Variants in LOXL1 observed in about 807,000 individuals in gnomAD.
LOXL1 encodes lysyl oxidase homolog 1.
LOXL1 carries 31 observed loss-of-function variants against 62.2 expected under a neutral mutation model. The observed-to-expected ratio is 0.50, with a 90% confidence interval of 0.37 to 0.67. The LOEUF (loss-of-function observed/expected upper bound fraction) is 0.67, where lower values mean the gene tolerates loss of function less well. Ranked by LOEUF, LOXL1 falls within the 30% of genes least tolerant of loss-of-function variation. LOXL1 has a pLI of 0.00. For synonymous variants in LOXL1, 403 were observed against 384.4 expected, an observed-to-expected ratio of 1.05 and a Z score of -0.56; for missense variants, 775 against 843.4, an observed-to-expected ratio of 0.92 and a Z score of 1.00.
intron 1 of LOXL1, among the ~76,000 whole-genome samples, chr15:73,939,334 G>T (rs1324226813): frequency 6.6e-6 from 1 of 152,168 alleles, no homozygotes; most frequent in African/African-American, 2.4e-5. Flanking sequence ...GATCCTGAGG[G>T]TGAGGCGGGG....
chr15:73,946,507 C>T lies in LOXL1; in HGVS notation c.1302C>T (p.Phe434=). ...TGAAGAACCAGGGCACAGCAGACTT[C>T]CTCCCCAACCGGCCACGGCACACCT... ...QRVKNQGTAD[F]LPNRPRHTWE... Residue 434 remains phenylalanine (F), a synonymous_variant, in exon 3 of 7, where the codon TTC becomes TTT. Coordinates refer to ENST00000261921, the MANE Select transcript of LOXL1 (RefSeq NM_005576.4). The T allele has an allele frequency of 6.2e-7, 1 of 1,611,132 alleles. No homozygotes were observed. Among genetic ancestry groups the T allele is most frequent in the South Asian group, 1.1e-5 (1 of 90,418 alleles).
Position 73,927,179 on chromosome 15 carries a change from C to G in LOXL1, c.396C>G (p.Ala132=). The G allele has an allele frequency of 1.3e-6, 2 of 1,546,802 alleles. No homozygotes were observed. The highest frequency in any genetic ancestry group is 1.4e-5 in the African/African-American group (1 of 70,680). ...GQVPDNWREV[A]VGDSTGMARA... ...TGCCCGACAACTGGCGCGAGGTGGC[C>G]GTCGGGGACAGCACGGGCATGGCCC... Residue 132 remains alanine (A), a synonymous_variant, in exon 1 of 7, where the codon GCC becomes GCG. Coordinates refer to ENST00000261921, the MANE Select transcript of LOXL1 (RefSeq NM_005576.4).
At chr15:73,937,501 C>A (rs538843076) in intron 1 of LOXL1, among the ~76,000 whole-genome samples, 3 of 152,346 alleles carry the variant, frequency 2.0e-5, no homozygotes, top group African/African-American at 7.2e-5. Flanking sequence ...TCTCAAGGGT[C>A]TTCGCTGCCC....
chr15:73,927,443 C>T lies in LOXL1; in HGVS notation c.660C>T (p.Ala220=). 2.1e-6 allele frequency: 3 copies of T among 1,454,996 alleles called. No homozygotes were observed. Among genetic ancestry groups the T allele is most frequent in the Non-Finnish European group, 2.7e-6 (3 of 1,105,340 alleles). The allele number at this position is 1,454,996 out of a possible 1,614,324, so 90.1% of individuals were successfully genotyped here. The part of the protein sequence containing the change: ...GGVGAGAAAV[A]SAGVIYPYQP... ...TGGGCGCGGGGGCGGCGGCCGTGGC[C>T]TCGGCGGGGGTCATCTACCCCTACC... is the stretch of plus-strand genomic sequence containing the variant. The change falls in exon 1 of 7, where the codon GCC becomes GCT. Residue 220 remains alanine, a synonymous_variant. Transcript: ENST00000261921.
rs765791588 is a variant in LOXL1 at position 73,927,279 on chromosome 15, A to C, written c.496A>C (p.Thr166Pro). ...GGTCTCGGCTTCGGCCTTCGCCAGCACCTACCGCCAGCAGCCCTCCTACCC... is the reference window on the plus strand; with the variant it reads ...GGTCTCGGCTTCGGCCTTCGCCAGCCCCTACCGCCAGCAGCCCTCCTACCC... ...SSVSASAFAS[T>P]YRQQPSYPQQ... is the part of the protein sequence containing the mutation. Residue 166 changes from threonine to proline, a missense_variant, in exon 1 of 7, where the codon ACC becomes CCC. Thr to Pro is a conservative substitution (Grantham distance 38). Transcript: ENST00000261921. 1.9e-6 allele frequency: 3 copies of C among 1,602,734 alleles called. No homozygotes were observed. Among genetic ancestry groups the C allele is most frequent in the East Asian group, 2.3e-5 (1 of 44,350 alleles).
Position 73,926,669 on chromosome 15 carries a change from A to C in LOXL1, c.-115A>C. ...GGACAAGGCCAGCATGGACAAAGCT[A>C]GAGCTGGGGCAAGCAAGGAGCCTTC... On this transcript the variant is annotated 5_prime_UTR_variant, in exon 1 of 7. It removes the in-frame stop codon of an upstream open reading frame in the 5' UTR. Transcript: ENST00000261921. The C allele has an allele frequency of 1.4e-5, 17 of 1,202,390 alleles. No homozygotes were observed. Among genetic ancestry groups the C allele is most frequent in the South Asian group, 2.0e-5 (1 of 50,260 alleles). 74.5% of individuals were successfully genotyped at this position (1,202,390 alleles called of 1,614,324 possible).
At position 73,927,663 on chromosome 15, in the gene LOXL1, G is replaced by C. The variant is rs932328615; in HGVS notation, c.880G>C (p.Gly294Arg). The change falls in exon 1 of 7, where the codon GGT (glycine) becomes CGT (arginine). Residue 294 changes from glycine (G) to arginine (R), a missense_variant. Transcript: ENST00000261921. ...PGFEQAYPDPGPEAAQAHGGD... is the reference protein window; with the variant it reads ...PGFEQAYPDPRPEAAQAHGGD... Reference sequence around the variant, plus strand: ...CTTCGAGCAGGCCTACCCTGACCCCGGTCCCGAGGCGGCGCAGGCCCATGG... The same window carrying C: ...CTTCGAGCAGGCCTACCCTGACCCCCGTCCCGAGGCGGCGCAGGCCCATGG... 4.7e-6 allele frequency: 7 copies of C among 1,487,112 alleles called. No individual in the cohort carries two copies. The highest frequency in any genetic ancestry group is 6.2e-6 in the Non-Finnish European group (7 of 1,125,734). 92.1% of individuals were successfully genotyped at this position (1,487,112 alleles called of 1,614,324 possible).
At position 73,927,714 on chromosome 15, in the gene LOXL1, C is replaced by G; in HGVS notation, c.931C>G (p.Pro311Ala). Residue 311 changes from proline (P) to alanine (A), a missense_variant, in exon 1 of 7, where the codon CCG becomes GCG. Pro to Ala is a conservative substitution (Grantham distance 27). Transcript: ENST00000261921. ...HGGDPRLGWYPPYANPPPEAY... is the reference protein window; with the variant it reads ...HGGDPRLGWYAPYANPPPEAY... ...CGGAGACCCACGCCTGGGCTGGTAC[C>G]CGCCCTACGCCAACCCGCCGCCCGA... The G allele has an allele frequency of 6.8e-7, 1 of 1,468,474 alleles. No homozygotes were observed. The highest frequency in any genetic ancestry group is 9.0e-7 in the Non-Finnish European group (1 of 1,116,874). 91.0% of individuals were successfully genotyped at this position (1,468,474 alleles called of 1,614,324 possible). A position where few individuals can be genotyped will look rare whatever the true frequency, so the allele number is the denominator to read the frequency against.
intron 5 of LOXL1, among the ~76,000 whole-genome samples, 183 bp from the exon 6 acceptor site, chr15:73,949,276 T>C (rs2068767962): frequency 6.6e-6 from 1 of 152,192 alleles, no homozygotes; most frequent in African/African-American, 2.4e-5. Flanking sequence ...AGATGATGTT[T>C]TCTTGGATTA....
At chr15:73,933,176 A>G (rs2068646989) in intron 1 of LOXL1, among the ~76,000 whole-genome samples, 2 of 152,210 alleles carry the variant, frequency 1.3e-5, no homozygotes, top group South Asian at 4.1e-4. Flanking sequence ...TTTAATTCCC[A>G]CAACAGCCTT....
In LOXL1 at chr15:73,947,106, A is replaced by G. The variant is rs777574809; in HGVS notation, c.1389A>G (p.Leu463=). 1 of 1,613,270 alleles carries G rather than the reference A, an allele frequency of 6.2e-7. No homozygotes were observed. The highest frequency in any genetic ancestry group is 1.3e-5 in the African/African-American group (1 of 75,060). ...HSMDEFSHYD[L]LDAATGKKVA... is the part of the protein sequence containing the mutation. The stretch of plus-strand genomic sequence containing the variant: ...TGGACGAGTTCAGCCACTACGACCT[A>G]CTGGATGCAGCCACAGGCAAGAAGG... The change falls in exon 4 of 7, where the codon CTA becomes CTG. Residue 463 remains leucine, a synonymous_variant. Transcript: ENST00000261921.
intron 1 of LOXL1, among the ~76,000 whole-genome samples, chr15:73,939,838 C>A (rs2068701493): frequency 1.3e-5 from 2 of 152,136 alleles, no homozygotes; most frequent in Admixed American, 1.3e-4. Context: ...TCCTGGGGTA[C>A]CCCAGCTCCC....
In LOXL1 at chr15:73,945,838, G is replaced by C. The variant is rs2068743563; in HGVS notation, c.1212-579G>C. Among the ~76,000 whole-genome samples, 1 of 151,924 alleles carries C rather than the reference G, an allele frequency of 6.6e-6. No homozygotes were observed. Among genetic ancestry groups the C allele is most frequent in the African/African-American group, 2.4e-5 (1 of 41,346 alleles). ...AAGGGATCAGTCTCCAAGTAGCTGGGACTACAGGCATAAGCCACCTTACCT... is the reference window on the plus strand; with the variant it reads ...AAGGGATCAGTCTCCAAGTAGCTGGCACTACAGGCATAAGCCACCTTACCT... On this transcript the variant is annotated intron_variant, in intron 2 of 6. Coordinates refer to ENST00000261921, the MANE Select transcript of LOXL1 (RefSeq NM_005576.4). The surrounding 1 kb of genome is among the most constrained non-coding windows in gnomAD (Gnocchi z 4.3).
chr15:73,927,453 G>A lies in LOXL1; in HGVS notation c.670G>A (p.Val224Ile). Reference sequence around the variant, plus strand: ...GGCGGCGGCCGTGGCCTCGGCGGGGGTCATCTACCCCTACCAGCCCCGGGC... The same window carrying A: ...GGCGGCGGCCGTGGCCTCGGCGGGGATCATCTACCCCTACCAGCCCCGGGC... ...AGAAAVASAG[V>I]IYPYQPRARY... is the part of the protein sequence containing the mutation. The change falls in exon 1 of 7, where the codon GTC (valine) becomes ATC (isoleucine). Residue 224 changes from valine (V) to isoleucine (I), a missense_variant. By Grantham distance (29) the Val-to-Ile change is conservative. Transcript: ENST00000261921. 1.4e-6 allele frequency: 2 copies of A among 1,452,320 alleles called. No individual in the cohort carries two copies. Among genetic ancestry groups the A allele is most frequent in the Non-Finnish European group, 1.8e-6 (2 of 1,104,988 alleles). 90.0% of individuals were successfully genotyped at this position (1,452,320 alleles called of 1,614,324 possible).
chr15:73,944,233 A>G (rs1319852578), intron 2 of LOXL1, among the ~76,000 whole-genome samples: 1 of 152,234 alleles, frequency 6.6e-6, no homozygotes, highest in Non-Finnish European at 1.5e-5. Context: ...AGGAACTTAC[A>G]GCCTCCATGA....
At position 73,952,001 on chromosome 15, in the gene LOXL1, G is replaced by A; in HGVS notation, c.*164G>A. 2 of 459,438 alleles carry A rather than the reference G, an allele frequency of 4.4e-6. No individual in the cohort carries two copies. The highest frequency in any genetic ancestry group is 7.5e-6 in the Non-Finnish European group (2 of 267,982). 28.5% of individuals were successfully genotyped at this position (459,438 alleles called of 1,614,324 possible). On this transcript the variant is annotated 3_prime_UTR_variant, in exon 7 of 7. Coordinates refer to ENST00000261921, the MANE Select transcript of LOXL1 (RefSeq NM_005576.4). Reference sequence around the variant, plus strand: ...GTGGATGAAAACCACAGGGATTCCGGACGCCAGACCCCATTTTATACTTCA... The same window carrying A: ...GTGGATGAAAACCACAGGGATTCCGAACGCCAGACCCCATTTTATACTTCA...
At position 73,942,849 on chromosome 15, in the gene LOXL1, T is replaced by C; in HGVS notation, c.1103-5T>C. 1.3e-6 allele frequency: 2 copies of C among 1,598,986 alleles called. No individual in the cohort carries two copies. The highest frequency in any genetic ancestry group is 1.7e-6 in the Non-Finnish European group (2 of 1,166,272). On this transcript the variant is annotated splice_region_variant and splice_polypyrimidine_tract_variant and intron_variant, in intron 1 of 6. Coordinates refer to ENST00000261921, the MANE Select transcript of LOXL1 (RefSeq NM_005576.4). ...TCCCCCCTTCTCTCCCACTGCCCACTCCAGGTCTCCCTGACTTGGTCCCAG... is the reference window on the plus strand; with the variant it reads ...TCCCCCCTTCTCTCCCACTGCCCACCCCAGGTCTCCCTGACTTGGTCCCAG...
In LOXL1 at chr15:73,942,930, G is replaced by A. The variant is rs1567088200; in HGVS notation, c.1179G>A (p.Leu393=). ...TGCAGAGAGCCCACCTGTACTCCCT[G>A]CGCTGTGCTGCGGAGGAGAAGTGTC... The part of the protein sequence containing the change: ...TYVQRAHLYS[L]RCAAEEKCLA... The change falls in exon 2 of 7, where the codon CTG becomes CTA. Residue 393 remains leucine (L), a synonymous_variant. Transcript: ENST00000261921. 6.2e-6 allele frequency: 10 copies of A among 1,613,996 alleles called. No homozygotes were observed. The highest frequency in any genetic ancestry group is 8.5e-6 in the Non-Finnish European group (10 of 1,179,880).
rs756173726 is a variant in LOXL1, at chr15:73,947,842, G to A, written c.1542G>A (p.Ala514=). 1.1e-5 allele frequency: 17 copies of A among 1,613,722 alleles called. No individual in the cohort carries two copies. The highest frequency in any genetic ancestry group is 8.3e-5 in the Admixed American group (5 of 59,970). Residue 514 remains alanine (A), a synonymous_variant, in exon 5 of 7, where the codon GCG becomes GCA. Transcript: ENST00000261921. Reference sequence around the variant, plus strand: ...CAGGCTGCTATGACACCTACAATGCGGACATCGACTGCCAGTGGATCGACA... The same window carrying A: ...CAGGCTGCTATGACACCTACAATGCAGACATCGACTGCCAGTGGATCGACA... ...LSPGCYDTYN[A]DIDCQWIDIT... is the part of the protein sequence containing the mutation.
Sources: gnomAD v4.1 joint callset for allele counts (sites outside exome capture counted in the v4.1 genomes callset) on GRCh38, gnomAD v4.1.1 for gene constraint, Gnocchi (gnomAD v3.1) non-coding constraint, MANE v1.5 for transcripts, NCBI Gene and HGNC (gene_info 2026-07-23, HGNC 2026-07-21) for gene names.